The following PITPNB variants were observed in gnomAD, a reference collection of about 807,000 sequenced individuals.
The protein encoded by PITPNB is phosphatidylinositol transfer protein beta, also known as phosphatidylinositol transfer protein beta isoform.
In PITPNB, 16 loss-of-function variants were observed where a neutral mutation model predicts 45.9. That is an observed-to-expected ratio of 0.35 (90% CI 0.24 to 0.53). The LOEUF (loss-of-function observed/expected upper bound fraction) is 0.53, where lower values mean the gene tolerates loss of function less well. Ranked by LOEUF, PITPNB falls within the 20% of genes least tolerant of loss-of-function variation. The pLI, the probability that PITPNB is intolerant of heterozygous loss-of-function variation, is 0.93. For synonymous variants in PITPNB, 112 were observed against 108.9 expected (o/e 1.03, Z -0.18); for missense variants, 188 against 330.5 (o/e 0.57, Z 3.34).
chr22:27,900,791 C>A (rs1309587391), intron 3 of PITPNB, among the ~76,000 whole-genome samples: 8 of 152,112 alleles, frequency 5.3e-5, no homozygotes, highest in Admixed American at 5.2e-4. Flanking sequence ...CATTTTGCCA[C>A]CACAGTTACC....
At chr22:27,859,794 C>T (rs1446694587) in intron 9 of PITPNB, among the ~76,000 whole-genome samples, 2 of 152,198 alleles carry the variant, frequency 1.3e-5, no homozygotes, top group African/African-American at 4.8e-5. Flanking sequence ...CAGGCTGGGC[C>T]CGCTCTCTCC....
At chr22:27,912,932 G>C (rs996063261) in intron 2 of PITPNB, among the ~76,000 whole-genome samples, 1 of 136,070 alleles carries the variant, frequency 7.3e-6, no homozygotes, top group Non-Finnish European at 1.5e-5. Context: ...GCAGAGAGCT[G>C]AGATCGCAAT....
chr22:27,917,914 T>C (rs907640337), intron 1 of PITPNB, among the ~76,000 whole-genome samples: 1 of 152,178 alleles, frequency 6.6e-6, no homozygotes, highest in African/African-American at 2.4e-5. Flanking sequence ...AGGGATTCCC[T>C]GAGAAGGTGA....
chr22:27,858,007 GT>G (rs150175866), intron 10 of PITPNB, among the ~76,000 whole-genome samples: 7,321 of 151,230 alleles, frequency 0.048, 284 homozygotes, highest in South Asian at 0.12. Flanking sequence ...GTTAACATTT[GT>G]TAAGCTTGCT....
At chr22:27,874,155 C>A (rs1463214655) in intron 7 of PITPNB, among the ~76,000 whole-genome samples, 1 of 152,232 alleles carries the variant, frequency 6.6e-6, no homozygotes, top group African/African-American at 2.4e-5. Flanking sequence ...TGGATAATCA[C>A]ATTCAAAGAA....
chr22:27,895,653 G>A (rs1350259492), intron 6 of PITPNB, among the ~76,000 whole-genome samples: 1 of 151,378 alleles, frequency 6.6e-6, no homozygotes, highest in Non-Finnish European at 1.5e-5. Flanking sequence ...GAAAACTCAA[G>A]TAAAATACTA....
At chr22:27,919,106 T>A in intron 1 of PITPNB, 66 bp downstream of exon 1, 1 of 1,612,770 alleles carries the variant, frequency 6.2e-7, no homozygotes, top group Non-Finnish European at 8.5e-7. Flanking sequence ...TCCTACCACT[T>A]CTCCATCAAC....
At chr22:27,896,879 C>T in intron 5 of PITPNB, 1 of 607,408 alleles carries the variant, frequency 1.6e-6, no homozygotes, top group Non-Finnish European at 3.0e-6. Flanking sequence ...GCTGTGAGGT[C>T]TGATAAACAA....
At position 27,870,127 on chromosome 22, in the gene PITPNB, C is replaced by T. The variant is rs144911516; in HGVS notation, c.534+3611G>A. On this transcript the variant is annotated intron_variant, in intron 8 of 11. Coordinates refer to ENST00000335272, the MANE Select transcript of PITPNB (RefSeq NM_012399.5). ...CCTTACACACTGCTGTAACTACCACCGAATCAGGTGTTCCAGAAATGGCAG... is the reference window on the plus strand; with the variant it reads ...CCTTACACACTGCTGTAACTACCACTGAATCAGGTGTTCCAGAAATGGCAG... Among the ~76,000 whole-genome samples the T allele has an allele frequency of 6.8e-3, 1,031 of 152,244 alleles. 7 individuals carry two copies. Among genetic ancestry groups the T allele is most frequent in the African/African-American group, 0.023 (936 of 41,538 alleles).
At chr22:27,880,757 G>T (rs992879717) in intron 7 of PITPNB, among the ~76,000 whole-genome samples, 2 of 152,034 alleles carry the variant, frequency 1.3e-5, no homozygotes, top group Non-Finnish European at 2.9e-5. Flanking sequence ...CGAGTAGCTG[G>T]GATTACAGGC....
intron 2 of PITPNB, 135 bp downstream of exon 2, chr22:27,914,179 TATC>T (rs1049417910): frequency 4.6e-6 from 3 of 654,128 alleles, no homozygotes; most frequent in African/African-American, 3.7e-5. Flanking sequence ...TCTTTGCAAT[TATC>T]ATTCATATAA....
At chr22:27,888,143 T>C (rs1255785033) in intron 7 of PITPNB, among the ~76,000 whole-genome samples, 1 of 152,246 alleles carries the variant, frequency 6.6e-6, no homozygotes, top group African/African-American at 2.4e-5. Flanking sequence ...TACTTCTTTG[T>C]CTTTCTCCCT....
At position 27,896,630 on chromosome 22, in the gene PITPNB, C is replaced by A. The variant is rs759483665; in HGVS notation, c.298-4G>T. Reference sequence around the variant, plus strand: ...AATCATCTTTCATATATTCATTCTGCAGAAAACACAACAGGAAAATGACAG... The same window carrying A: ...AATCATCTTTCATATATTCATTCTGAAGAAAACACAACAGGAAAATGACAG... On this transcript the variant is annotated splice_polypyrimidine_tract_variant and splice_region_variant and intron_variant, in intron 5 of 11. Transcript: ENST00000335272. 86 of 1,587,832 alleles carry A rather than the reference C, an allele frequency of 5.4e-5. No individual in the cohort carries two copies. Among genetic ancestry groups the A allele is most frequent in the Admixed American group, 6.7e-5 (4 of 59,952 alleles).
intron 3 of PITPNB, among the ~76,000 whole-genome samples, chr22:27,900,143 T>C (rs1935550937): frequency 2.0e-5 from 3 of 151,212 alleles, no homozygotes; most frequent in Non-Finnish European, 4.4e-5. Flanking sequence ...GAGGGTGCAG[T>C]GAGCTGAGAT....
At chr22:27,914,939 T>C (rs914057807) in intron 1 of PITPNB, among the ~76,000 whole-genome samples, 1 of 152,202 alleles carries the variant, frequency 6.6e-6, no homozygotes. Flanking sequence ...ATATATACAA[T>C]ATAAGGTTGA....
intron 7 of PITPNB, among the ~76,000 whole-genome samples, chr22:27,886,600 A>G (rs117327877): frequency 6.6e-6 from 1 of 152,344 alleles, no homozygotes; most frequent in East Asian, 1.9e-4. Flanking sequence ...CAGCAAATCT[A>G]CAAGAGTGGT....
chr22:27,868,352 C>T (rs1445008961), intron 8 of PITPNB, among the ~76,000 whole-genome samples: 2 of 152,220 alleles, frequency 1.3e-5, no homozygotes, highest in African/African-American at 4.8e-5. Flanking sequence ...CTCACTTCTA[C>T]TCCTCCTATC....
chr22:27,875,572 G>C (rs980565585), intron 7 of PITPNB, among the ~76,000 whole-genome samples: 2 of 152,172 alleles, frequency 1.3e-5, no homozygotes, highest in African/African-American at 4.8e-5. Context: ...AAATAAACCT[G>C]TAACACCATA....
chr22:27,853,718 T>C (rs900821204), intron 11 of PITPNB, 55 bp from the exon 12 acceptor site: 2 of 1,243,042 alleles, frequency 1.6e-6, no homozygotes, highest in African/African-American at 1.5e-5. Context: ...AGACAGGAAA[T>C]GTTAGCAGCT....
Sources: gnomAD v4.1 joint callset for allele counts (sites outside exome capture counted in the v4.1 genomes callset) on GRCh38, gnomAD v4.1.1 for gene constraint, MANE v1.5 for transcripts, NCBI Gene and HGNC (gene_info 2026-07-23, HGNC 2026-07-21) for gene names.